ATM: variants seen among roughly 807,000 people sequenced by gnomAD.
ATM encodes the protein ATM serine/threonine kinase.
Under a neutral mutation model 387.0 loss-of-function variants are expected in ATM, and 308 were observed. The observed-to-expected ratio is 0.80, with a 90% CI of 0.73 to 0.87. The LOEUF is 0.87. ATM is among the 40% of genes least tolerant of loss of function. The probability of loss-of-function intolerance (pLI) is 0.00; values close to 1 mark genes in which losing one functional copy is unlikely to be tolerated. For missense variants in ATM, 3,312 were observed against 3,560.9 expected (o/e 0.93, Z 1.78); for synonymous variants, 1,156 against 1,187.3 (o/e 0.97, Z 0.54).
chr11:108,357,769 G>T (rs1243362503), intron 61 of ATM, among the ~76,000 whole-genome samples: 3 of 152,088 alleles, frequency 2.0e-5, no homozygotes, highest in Non-Finnish European at 2.9e-5. Flanking sequence ...AAACAGAAAG[G>T]ATATCCACAC....
intron 4 of ATM, chr11:108,231,669 C>T (rs1430334766): frequency 8.0e-6 from 1 of 125,286 alleles, no homozygotes; most frequent in African/African-American, 3.0e-5. Context: ...GCACTCCAGC[C>T]TGGGCAACAA....
chr11:108,238,453 C>A (rs576383989), intron 5 of ATM, among the ~76,000 whole-genome samples: 13 of 152,056 alleles, frequency 8.5e-5, no homozygotes, highest in African/African-American at 2.9e-4. Flanking sequence ...TGCCCAGCTG[C>A]AAATTGACAT....
chr11:108,284,849 T>G (rs1295127082), intron 26 of ATM, among the ~76,000 whole-genome samples: 6 of 152,212 alleles, frequency 3.9e-5, no homozygotes, highest in Admixed American at 3.9e-4. Context: ...AGCTTTCCAC[T>G]TTTCAAGAAA....
In ATM at chr11:108,272,852, G is replaced by A. The variant is rs587781815; in HGVS notation, c.3284G>A (p.Arg1095Lys). Residue 1095 changes from arginine (R) to lysine (K), a missense_variant and splice_region_variant, in exon 22 of 63, where the codon AGA becomes AAA. Physicochemically the swap from Arg to Lys is conservative, Grantham distance 26 (BLOSUM62 2). This residue lies in a region of ATM where 1,791 missense variants were observed against 1,804.5 expected (regional missense o/e 0.99). Coordinates refer to ENST00000675843, the MANE Select transcript of ATM (RefSeq NM_000051.4). ...VRMLAAESIN[R>K]LFQDTKGDSS... is the part of the protein sequence containing the mutation. Reference sequence around the variant, plus strand: ...ATGTTGGCTGCAGAGTCAATCAATAGGTAATGGGTCAAATATTCATGAAGT... The same window carrying A: ...ATGTTGGCTGCAGAGTCAATCAATAAGTAATGGGTCAAATATTCATGAAGT... 7 of 1,613,922 alleles carry A rather than the reference G, an allele frequency of 4.3e-6. No individual in the cohort carries two copies. Among genetic ancestry groups the A allele is most frequent in the Non-Finnish European group, 5.9e-6 (7 of 1,179,984 alleles).
chr11:108,252,178 T>A (rs1175115686), intron 11 of ATM, 147 bp downstream of exon 11: 6 of 764,262 alleles, frequency 7.9e-6, no homozygotes, highest in Non-Finnish European at 1.2e-5. Context: ...TATGTTTGTT[T>A]TTACAGTTAT....
intron 35 of ATM, among the ~76,000 whole-genome samples, chr11:108,302,530 A>C (rs1221958901): frequency 6.6e-6 from 1 of 152,164 alleles, no homozygotes; most frequent in Non-Finnish European, 1.5e-5. Flanking sequence ...TTTGAAATCA[A>C]GTCTCTGTGG....
chr11:108,228,201 A>G (rs2078841343), intron 3 of ATM, among the ~76,000 whole-genome samples: 1 of 152,172 alleles, frequency 6.6e-6, no homozygotes, highest in South Asian at 2.1e-4. Context: ...ATTATAATAA[A>G]TGTTAGGATA....
At chr11:108,225,318 G>T (rs1213809505) in intron 1 of ATM, 4 of 152,172 alleles carry the variant, frequency 2.6e-5, no homozygotes, top group Admixed American at 2.6e-4. Context: ...CAAATGAAAA[G>T]AACTCAAATA....
At chr11:108,252,101 T>C in intron 11 of ATM, 70 bp downstream of exon 11, 1 of 1,335,514 alleles carries the variant, frequency 7.5e-7, no homozygotes, top group South Asian at 1.2e-5. Context: ...ACTTATTTGA[T>C]GCCAGATGGC....
intron 1 of ATM, chr11:108,224,519 C>T (rs3092854): frequency 6.6e-6 from 1 of 152,202 alleles, no homozygotes. Context: ...TATGGTGACA[C>T]TCATACTCTA....
intron 61 of ATM, among the ~76,000 whole-genome samples, chr11:108,363,568 A>C (rs1027529731): frequency 1.3e-5 from 2 of 152,150 alleles, no homozygotes; most frequent in Non-Finnish European, 2.9e-5. Flanking sequence ...TAGTATTGGC[A>C]TCTACTGGGT....
chr11:108,269,497 G>A lies in ATM; in HGVS notation c.2838+888G>A, dbSNP rs569033037. ...TTTTTTCTGTCCAAATTTATAAATT[G>A]CTTTACTAGCAGTTAAAAAAAACAC... On this transcript the variant is annotated intron_variant, in intron 18 of 62. Coordinates refer to ENST00000675843, the MANE Select transcript of ATM (RefSeq NM_000051.4). Among the ~76,000 whole-genome samples the A allele has an allele frequency of 2.6e-4, 40 of 152,078 alleles. No individual in the cohort carries two copies. In the South Asian group the frequency reaches 4.8e-3, roughly 18 times the overall value.
intron 58 of ATM, among the ~76,000 whole-genome samples, 167 bp downstream of exon 58, chr11:108,346,075 C>A (rs1477339162): frequency 1.3e-5 from 2 of 152,066 alleles, no homozygotes; most frequent in Non-Finnish European, 2.9e-5. Flanking sequence ...TCTTGTTCAT[C>A]CTGATTCTTA....
At position 108,289,011 on chromosome 11, in the gene ATM, C is replaced by T. The variant is rs55859590; in HGVS notation, c.4144C>T (p.Pro1382Ser). 2 of 1,613,532 alleles carry T rather than the reference C, an allele frequency of 1.2e-6. No individual in the cohort carries two copies. Among genetic ancestry groups the T allele is most frequent in the Admixed American group, 3.3e-5 (2 of 60,016 alleles). The change falls in exon 28 of 63, where the codon CCA becomes TCA. Residue 1382 changes from proline to serine, a missense_variant. By Grantham distance (74) the Pro-to-Ser change is moderately conservative (BLOSUM62 -1). This residue lies in a region of ATM where 1,791 missense variants were observed against 1,804.5 expected (regional missense o/e 0.99). Transcript: ENST00000675843. Reference sequence around the variant, plus strand: ...TCCTGCTCCTAATCCACCTCATTTTCCATCGCATGTGATTAAAGCAACATT... The same window carrying T: ...TCCTGCTCCTAATCCACCTCATTTTTCATCGCATGTGATTAAAGCAACATT... ...LDPAPNPPHF[P>S]SHVIKATFAY...
At chr11:108,306,081 A>G (rs932094728) in intron 37 of ATM, among the ~76,000 whole-genome samples, 3 of 152,196 alleles carry the variant, frequency 2.0e-5, no homozygotes, top group Middle Eastern at 3.2e-3. Context: ...TTTTAGTTTT[A>G]CTGCTACAAC....
chr11:108,240,385 A>G (rs1419598797), intron 5 of ATM, among the ~76,000 whole-genome samples: 1 of 152,144 alleles, frequency 6.6e-6, no homozygotes, highest in Non-Finnish European at 1.5e-5. Context: ...AGCCTTTTCC[A>G]GCATGTCATA....
Position 108,299,855 on chromosome 11 carries a change from C to G in ATM, c.5147C>G (p.Thr1716Ser), listed in dbSNP as rs769232698. The G allele has an allele frequency of 6.2e-7, 1 of 1,613,832 alleles. No homozygotes were observed. Among genetic ancestry groups the G allele is most frequent in the Non-Finnish European group, 8.5e-7 (1 of 1,179,872 alleles). ...CTTCAGTGGACCTTCATAATGCTGA[C>G]CTACCTGAATAACACACTGGTAGAA... is the stretch of plus-strand genomic sequence containing the variant. ...KELQWTFIML[T>S]YLNNTLVEDC... Residue 1716 changes from threonine (T) to serine (S), a missense_variant, in exon 34 of 63, where the codon ACC becomes AGC. Coordinates refer to ENST00000675843, the MANE Select transcript of ATM (RefSeq NM_000051.4).
rs760285673 is a variant in ATM, at chr11:108,251,858, T to G, written c.1629T>G (p.Thr543=). 87 of 1,613,754 alleles carry G rather than the reference T, an allele frequency of 5.4e-5. 1 individual carries two copies. Among genetic ancestry groups the G allele is most frequent in the Non-Finnish European group, 7.4e-5 (87 of 1,179,810 alleles). The change falls in exon 11 of 63, where the codon ACT becomes ACG. Residue 543 remains threonine, a synonymous_variant. Transcript: ENST00000675843. ...RPSCPAVCCL[T]LALTTSIVPG... ...ATAGTCCTGCAGTATGCTGTTTGAC[T>G]TTGGCACTGACCACCAGTATAGTTC...
rs2135691039 is a variant in ATM, at chr11:108,282,869, G to T, written c.3736G>T (p.Asp1246Tyr). 1 of 1,487,258 alleles carries T rather than the reference G, an allele frequency of 6.7e-7. No homozygotes were observed. Among genetic ancestry groups the T allele is most frequent in the South Asian group, 1.1e-5 (1 of 87,518 alleles). The allele number at this position is 1,487,258 out of a possible 1,614,324, so 92.1% of individuals were successfully genotyped here. A position where few individuals can be genotyped will look rare whatever the true frequency, so the allele number is the denominator to read the frequency against. The change falls in exon 25 of 63, where the codon GAT becomes TAT. Residue 1246 changes from aspartate to tyrosine, a missense_variant. Asp to Tyr is a radical substitution (Grantham distance 160). Coordinates refer to ENST00000675843, the MANE Select transcript of ATM (RefSeq NM_000051.4). ...FILLNYTNIEDFYRSCYKVLI... is the reference protein window; with the variant it reads ...FILLNYTNIEYFYRSCYKVLI... ...TTTATTAAACTACACAAATATTGAG[G>T]ATTTCTATAGGTAAGTTTATACATG...
Sources: allele counts gnomAD v4.1 joint callset (sites outside exome capture counted in the v4.1 genomes callset), GRCh38; gene constraint gnomAD v4.1.1; regional missense constraint gnomAD v4.1.1; transcripts MANE v1.5; gene names NCBI Gene and HGNC (gene_info 2026-07-23, HGNC 2026-07-21).